NME5: variants seen among roughly 807,000 people sequenced by gnomAD.
The protein encoded by NME5 is nucleoside diphosphate kinase 5.
In NME5, 18 loss-of-function variants were observed where a neutral mutation model predicts 21.6. That is an observed-to-expected ratio of 0.83 (90% CI 0.58 to 1.24). The LOEUF (loss-of-function observed/expected upper bound fraction) is 1.24. NME5 is among the 50% of genes most tolerant of loss of function. The pLI is 0.00. For missense variants in NME5, 223 were observed against 255.4 expected (o/e 0.87, Z 0.86); for synonymous variants, 70 against 80.6 (o/e 0.87, Z 0.71).
intron 2 of NME5, among the ~76,000 whole-genome samples, chr5:138,136,940 G>A (rs1751712474): frequency 6.6e-6 from 1 of 151,062 alleles, no homozygotes. Context: ...ACCGTGCCTG[G>A]CCTTGTTGAT....
chr5:138,138,821 T>C (rs1047106355), intron 1 of NME5, 36 bp from the exon 2 acceptor site: 5 of 1,577,210 alleles, frequency 3.2e-6, no homozygotes, highest in Middle Eastern at 3.4e-4. Flanking sequence ...TCTTAACAGG[T>C]ATCAACTGCA....
intron 2 of NME5, among the ~76,000 whole-genome samples, chr5:138,129,775 C>G (rs1236313620): frequency 6.6e-6 from 1 of 152,042 alleles, no homozygotes; most frequent in Non-Finnish European, 1.5e-5. Flanking sequence ...CTAGGCAACA[C>G]AGTGAAACCC....
chr5:138,134,078 T>C (rs983382058), intron 2 of NME5, among the ~76,000 whole-genome samples: 25 of 152,216 alleles, frequency 1.6e-4, no homozygotes, highest in African/African-American at 6.0e-4. Context: ...AAGTGTCATA[T>C]ATATTTACAT....
At chr5:138,135,487 A>C (rs1751677836) in intron 2 of NME5, among the ~76,000 whole-genome samples, 1 of 151,570 alleles carries the variant, frequency 6.6e-6, no homozygotes, top group Non-Finnish European at 1.5e-5. Flanking sequence ...GGCACGTGCC[A>C]CCACACCCAG....
chr5:138,116,636 C>T (rs985220619), intron 5 of NME5: 1 of 152,182 alleles, frequency 6.6e-6, no homozygotes, highest in Non-Finnish European at 1.5e-5. Context: ...TAGCATGGCT[C>T]CTGTGCAAGG....
intron 4 of NME5, among the ~76,000 whole-genome samples, chr5:138,120,475 T>A (rs1368952092): frequency 1.3e-5 from 2 of 152,134 alleles, no homozygotes; most frequent in South Asian, 2.1e-4. Flanking sequence ...CCTGACCTTG[T>A]GAGCCGCCTG....
intron 4 of NME5, among the ~76,000 whole-genome samples, chr5:138,125,549 A>AT (rs1396848947): frequency 6.6e-6 from 1 of 152,188 alleles, no homozygotes; most frequent in African/African-American, 2.4e-5. Flanking sequence ...ATTGCATTCC[A>AT]TCTGGAGTGA....
At chr5:138,122,910 C>T (rs1398719934) in intron 4 of NME5, 1 of 151,972 alleles carries the variant, frequency 6.6e-6, no homozygotes, top group Non-Finnish European at 1.5e-5. Flanking sequence ...GAACTCCTGA[C>T]CTCAAGTGAT....
chr5:138,127,559 C>T, intron 4 of NME5: 1 of 983,460 alleles, frequency 1.0e-6, no homozygotes, highest in Non-Finnish European at 1.2e-6. Context: ...CTAAAAAAAT[C>T]CAAAATTTTG....
intron 3 of NME5, among the ~76,000 whole-genome samples, 184 bp downstream of exon 3, chr5:138,129,079 C>G (rs1045376706): frequency 6.6e-6 from 1 of 152,014 alleles, no homozygotes; most frequent in African/African-American, 2.4e-5. Flanking sequence ...TTAAAATAGA[C>G]ATTTAACACT....
intron 4 of NME5, among the ~76,000 whole-genome samples, chr5:138,125,270 T>C (rs1267170030): frequency 6.6e-6 from 1 of 152,232 alleles, no homozygotes; most frequent in East Asian, 1.9e-4. Flanking sequence ...GGATATCTTC[T>C]TATTCAGCTT....
chr5:138,120,042 C>T (rs1456214178), intron 4 of NME5, among the ~76,000 whole-genome samples: 1 of 151,586 alleles, frequency 6.6e-6, no homozygotes, highest in Non-Finnish European at 1.5e-5. Flanking sequence ...GCTGAAGCAT[C>T]CTCTGGCTTC....
chr5:138,136,695 C>T (rs486799), intron 2 of NME5, among the ~76,000 whole-genome samples: 51,965 of 151,538 alleles, frequency 0.34, 9,104 homozygotes, highest in South Asian at 0.43. Flanking sequence ...CAGGCTGGAG[C>T]ACAATGGCAC....
intron 1 of NME5, 53 bp from the exon 2 acceptor site, chr5:138,138,838 T>G: frequency 6.5e-7 from 1 of 1,533,438 alleles, no homozygotes; most frequent in Non-Finnish European, 8.8e-7. Flanking sequence ...TGCAATGACA[T>G]GCATTTCCCC....
intron 2 of NME5, among the ~76,000 whole-genome samples, chr5:138,131,553 T>TA (rs1212578056): frequency 0.022 from 3,089 of 139,810 alleles, 89 homozygotes; most frequent in African/African-American, 0.072. Context: ...AGACTCTGTC[T>TA]AAAAAAAAAA....
chr5:138,127,686 A>G (rs1274666825), intron 4 of NME5: 1 of 984,972 alleles, frequency 1.0e-6, no homozygotes, highest in East Asian at 1.1e-4. Context: ...CCACTTCTCA[A>G]AGGTTTACAA....
chr5:138,116,962 C>G (rs965470150), intron 5 of NME5, among the ~76,000 whole-genome samples: 1 of 151,990 alleles, frequency 6.6e-6, no homozygotes, highest in Non-Finnish European at 1.5e-5. Context: ...GATCCCAATA[C>G]TTTTGGAGGC....
At chr5:138,122,441 T>TAAAAAAAAA (rs70979581) in intron 4 of NME5, among the ~76,000 whole-genome samples, 4 of 34,462 alleles carry the variant, frequency 1.2e-4, no homozygotes, top group Non-Finnish European at 1.6e-4. Flanking sequence ...ACTCTGTCTC[T>TAAAAAAAAA]AAAAAAAAAA....
At chr5:138,116,179 C>G (rs955403886) in intron 5 of NME5, 1 of 154,038 alleles carries the variant, frequency 6.5e-6, no homozygotes, top group Non-Finnish European at 1.4e-5. Flanking sequence ...AAATTTAACC[C>G]AAGAAGCGAA....
Sources: allele counts gnomAD v4.1 joint callset (sites outside exome capture counted in the v4.1 genomes callset), GRCh38; gene constraint gnomAD v4.1.1; transcripts MANE v1.5; gene names NCBI Gene and HGNC (gene_info 2026-07-23, HGNC 2026-07-21).